SEPTIN11: variants seen among roughly 807,000 people sequenced by gnomAD.
SEPTIN11 encodes the protein septin 11, also known as septin-11.
A neutral mutation model predicts 51.4 loss-of-function variants in SEPTIN11; 25 were observed. The ratio of observed to expected loss-of-function variants is 0.49; its 90% CI spans 0.35 to 0.68. The LOEUF (loss-of-function observed/expected upper bound fraction) is 0.68. Ranked by LOEUF, SEPTIN11 falls within the 30% of genes least tolerant of loss-of-function variation. The pLI is 0.00. For synonymous variants in SEPTIN11, 174 were observed against 184.1 expected (o/e 0.95, Z 0.44); for missense variants, 381 against 520.8 (o/e 0.73, Z 2.61).
downstream of SEPTIN11, chr4:77,039,782 C>T (rs147311960): frequency 7.2e-3 from 6,882 of 962,110 alleles, 24 homozygotes; most frequent in Non-Finnish European, 8.0e-3. Context: ...AGTGGGCATC[C>T]TTCCTTTAAA....
Position 77,036,530 on chromosome 4 carries a change from C to T in SEPTIN11, c.*2018C>T. The stretch of plus-strand genomic sequence containing the variant: ...AATGAGCATAACAACGAAAGGCATC[C>T]AGCTGACTTTTTGATTCCAAGATTA... On this transcript the variant is annotated 3_prime_UTR_variant, in exon 10 of 10. Transcript: ENST00000264893. The T allele has an allele frequency of 7.2e-7, 1 of 1,389,462 alleles. No homozygotes were observed. 86.1% of individuals were successfully genotyped at this position (1,389,462 alleles called of 1,614,324 possible). A position where few individuals can be genotyped will look rare whatever the true frequency, so the allele number is the denominator to read the frequency against.
intron 3 of SEPTIN11, among the ~76,000 whole-genome samples, chr4:77,007,082 T>G (rs1724527769): frequency 6.6e-6 from 1 of 152,200 alleles, no homozygotes; most frequent in African/African-American, 2.4e-5. Flanking sequence ...GCTGAGCAGT[T>G]GCTCTTAATA....
At chr4:76,999,627 G>A (rs1013406188) in intron 2 of SEPTIN11, among the ~76,000 whole-genome samples, 4 of 152,216 alleles carry the variant, frequency 2.6e-5, no homozygotes, top group Admixed American at 2.0e-4. Context: ...TTTGTGGCGT[G>A]AACCTGTAGG....
chr4:76,965,823 CG>C lies in SEPTIN11; in HGVS notation c.27+15895del, dbSNP rs551956631. On this transcript the variant is annotated intron_variant, in intron 1 of 9. Transcript: ENST00000264893. ...TATTCTAAATTTGGAACCCTATACA[CG>C]GTATCTTAGGATTTAAAGGGAATGG... Among the ~76,000 whole-genome samples, 394 of 152,216 alleles carry C rather than the reference CG, an allele frequency of 2.6e-3. 2 individuals are homozygous for C. The highest frequency in any genetic ancestry group is 9.0e-3 in the African/African-American group (372 of 41,518).
intron 2 of SEPTIN11, among the ~76,000 whole-genome samples, chr4:77,002,550 T>A (rs1208688198): frequency 6.6e-6 from 1 of 152,228 alleles, no homozygotes; most frequent in Admixed American, 6.5e-5. Context: ...AAGTTGGCTC[T>A]GCTTGAGAAT....
In SEPTIN11 at chr4:77,037,426, C is replaced by T. The variant is rs1005042727; in HGVS notation, c.*2914C>T. On this transcript the variant is annotated 3_prime_UTR_variant, in exon 10 of 10. Coordinates refer to ENST00000264893, the MANE Select transcript of SEPTIN11 (RefSeq NM_018243.4). ...TAGCCTCATGGGCATCATTGGATAG[C>T]TCAGAGGGCCCTTGATTCTGGCAAG... The T allele has an allele frequency of 1.0e-6, 1 of 985,244 alleles. No homozygotes were observed. Among genetic ancestry groups the T allele is most frequent in the African/African-American group, 1.7e-5 (1 of 57,280 alleles). 61.0% of individuals were successfully genotyped at this position (985,244 alleles called of 1,614,324 possible). A position where few individuals can be genotyped will look rare whatever the true frequency, so the allele number is the denominator to read the frequency against.
Position 76,993,879 on chromosome 4 carries a change from TAGTG to T in SEPTIN11, c.28-2545_28-2542del, listed in dbSNP as rs1354772981. Among the ~76,000 whole-genome samples, 8 of 152,162 alleles carry T rather than the reference TAGTG, an allele frequency of 5.3e-5. 1 individual carries two copies. Among genetic ancestry groups the T allele is most frequent in the South Asian group, 4.1e-4 (2 of 4,830 alleles). On this transcript the variant is annotated intron_variant, in intron 1 of 9. Transcript: ENST00000264893. ...GGTTTTCAATGGGTATAAAAATACT[TAGTG>T]GGTGTGTGGGTGGCTTCTCGTGTTT...
chr4:76,979,285 T>A (rs925094679), intron 1 of SEPTIN11, among the ~76,000 whole-genome samples: 1 of 152,134 alleles, frequency 6.6e-6, no homozygotes, highest in East Asian at 1.9e-4. Flanking sequence ...GAAGCAATGG[T>A]GTCTAATTCA....
chr4:77,001,788 T>C (rs1293975356), intron 2 of SEPTIN11, among the ~76,000 whole-genome samples: 2 of 152,240 alleles, frequency 1.3e-5, no homozygotes, highest in African/African-American at 4.8e-5. Context: ...AGTAGGCTTT[T>C]AGTTATTCAG....
At chr4:77,006,346 C>T (rs747099066) in intron 3 of SEPTIN11, among the ~76,000 whole-genome samples, 7 of 152,058 alleles carry the variant, frequency 4.6e-5, no homozygotes, top group Non-Finnish European at 1.0e-4. Context: ...GGGTCTTTAC[C>T]ATGAGTTATC....
intron 1 of SEPTIN11, among the ~76,000 whole-genome samples, chr4:76,956,902 T>G (rs925074711): frequency 9.9e-5 from 15 of 152,054 alleles, no homozygotes; most frequent in Non-Finnish European, 2.9e-5. Context: ...TATCCCTGTC[T>G]GTAAGGATTT....
chr4:76,981,750 T>A (rs1433345040), intron 1 of SEPTIN11, among the ~76,000 whole-genome samples: 1 of 152,152 alleles, frequency 6.6e-6, no homozygotes, highest in Non-Finnish European at 1.5e-5. Flanking sequence ...ATGCATTTTT[T>A]TTTTTTTTCA....
chr4:76,991,487 T>C (rs971455624), intron 1 of SEPTIN11, among the ~76,000 whole-genome samples: 2 of 152,232 alleles, frequency 1.3e-5, no homozygotes, highest in African/African-American at 4.8e-5. Context: ...TTTATAATTA[T>C]CTCAATAATG....
At chr4:76,995,298 C>T (rs890615181) in intron 1 of SEPTIN11, among the ~76,000 whole-genome samples, 1 of 152,104 alleles carries the variant, frequency 6.6e-6, no homozygotes, top group African/African-American at 2.4e-5. Context: ...ACTAGAATCA[C>T]TTGAACCTAG....
At chr4:76,962,702 T>C (rs1721871464) in intron 1 of SEPTIN11, among the ~76,000 whole-genome samples, 3 of 152,242 alleles carry the variant, frequency 2.0e-5, no homozygotes, top group Admixed American at 6.5e-5. Flanking sequence ...TTTAATCAGT[T>C]TCTCTTATGT....
intron 4 of SEPTIN11, among the ~76,000 whole-genome samples, chr4:77,013,064 A>G (rs1315282023): frequency 6.6e-6 from 1 of 152,194 alleles, no homozygotes; most frequent in Non-Finnish European, 1.5e-5. Flanking sequence ...CCTGTTCTCA[A>G]GAGTGCCCCA....
intron 7 of SEPTIN11, 132 bp from the exon 8 acceptor site, chr4:77,028,497 C>A: frequency 1.0e-6 from 1 of 996,120 alleles, no homozygotes; most frequent in Non-Finnish European, 1.5e-6. Flanking sequence ...CAGTGTCATT[C>A]TACTTATGCT....
rs1170815388 is a variant in SEPTIN11 at position 77,035,951 on chromosome 4, C to A, written c.*1439C>A. 1.0e-6 allele frequency: 1 copy of A among 985,794 alleles called. No individual in the cohort carries two copies. The highest frequency in any genetic ancestry group is 1.2e-6 in the Non-Finnish European group (1 of 829,964). 61.1% of individuals were successfully genotyped at this position (985,794 alleles called of 1,614,324 possible). A position where few individuals can be genotyped will look rare whatever the true frequency, so the allele number is the denominator to read the frequency against. On this transcript the variant is annotated 3_prime_UTR_variant, in exon 10 of 10. Transcript: ENST00000264893. Reference sequence around the variant, plus strand: ...AACATTTCTCATGAACCCACTGCCCCTCTGCATTTTCCTCACTGGTTAGAG... The same window carrying A: ...AACATTTCTCATGAACCCACTGCCCATCTGCATTTTCCTCACTGGTTAGAG...
At chr4:76,956,528 G>A (rs752185978) in intron 1 of SEPTIN11, among the ~76,000 whole-genome samples, 2 of 152,148 alleles carry the variant, frequency 1.3e-5, no homozygotes, top group Admixed American at 1.3e-4. Context: ...TTCCACCCTC[G>A]GAGGTCTGCT....
Sources: gnomAD v4.1 joint callset for allele counts (sites outside exome capture counted in the v4.1 genomes callset) on GRCh38, gnomAD v4.1.1 for gene constraint, MANE v1.5 for transcripts, NCBI Gene and HGNC (gene_info 2026-07-23, HGNC 2026-07-21) for gene names.